The following FSTL5 variants were observed in gnomAD, a reference collection of about 807,000 sequenced individuals.
FSTL5 encodes the protein follistatin-related protein 5.
FSTL5 carries 62 observed loss-of-function variants against 89.1 expected under a neutral mutation model. The observed-to-expected ratio is 0.70, with a 90% confidence interval of 0.57 to 0.86. FSTL5 has a LOEUF of 0.86. FSTL5 is among the 40% of genes least tolerant of loss of function. The pLI, the probability that FSTL5 is intolerant of heterozygous loss-of-function variation, is 0.00. For missense variants in FSTL5, 1,057 were observed against 1,001.6 expected (o/e 1.06, Z -0.75); for synonymous variants, 383 against 346.2 (o/e 1.11, Z -1.18).
intron 4 of FSTL5, among the ~76,000 whole-genome samples, chr4:161,805,837 T>A (rs1263016442): frequency 6.6e-6 from 1 of 152,116 alleles, no homozygotes; most frequent in Non-Finnish European, 1.5e-5. Context: ...TACCTATGAT[T>A]TCACTTTCCA....
At chr4:162,147,964 C>T (rs1733067139) in intron 1 of FSTL5, among the ~76,000 whole-genome samples, 1 of 152,032 alleles carries the variant, frequency 6.6e-6, no homozygotes, top group East Asian at 1.9e-4. Flanking sequence ...GAGATTGCGC[C>T]ATTGCACTCC....
At chr4:161,835,156 A>G (rs1730994474) in intron 4 of FSTL5, among the ~76,000 whole-genome samples, 1 of 151,108 alleles carries the variant, frequency 6.6e-6, no homozygotes, top group South Asian at 2.1e-4. Context: ...CTGCATATCT[A>G]CAACTATCTG....
At chr4:161,721,173 G>A (rs1408387062) in intron 6 of FSTL5, among the ~76,000 whole-genome samples, 2 of 151,466 alleles carry the variant, frequency 1.3e-5, no homozygotes, top group Non-Finnish European at 2.9e-5. Context: ...AGTTACTGGG[G>A]AGGCTGAGGC....
chr4:161,642,719 T>C (rs944816333), intron 7 of FSTL5, among the ~76,000 whole-genome samples: 1 of 152,172 alleles, frequency 6.6e-6, no homozygotes, highest in African/African-American at 2.4e-5. Context: ...AAATACTGTA[T>C]AATTTTAGTC....
chr4:161,448,694 A>G (rs1733044253), intron 15 of FSTL5, among the ~76,000 whole-genome samples: 2 of 152,206 alleles, frequency 1.3e-5, no homozygotes, highest in African/African-American at 4.8e-5. Context: ...TAGTAGAGCC[A>G]TAGCCATTGG....
At chr4:161,924,788 G>C (rs142000255) in intron 3 of FSTL5, among the ~76,000 whole-genome samples, 1 of 151,646 alleles carries the variant, frequency 6.6e-6, no homozygotes, top group Non-Finnish European at 1.5e-5. Context: ...TAAAGAGGGA[G>C]GGAAGAACCA....
At chr4:161,909,778 A>T (rs145566928) in intron 4 of FSTL5, among the ~76,000 whole-genome samples, 53 of 152,090 alleles carry the variant, frequency 3.5e-4, no homozygotes, top group African/African-American at 1.2e-3. Flanking sequence ...ATTGGGTCTC[A>T]TCCTCTCTAC....
intron 7 of FSTL5, 63 bp downstream of exon 7, chr4:161,656,265 C>T (rs1469724157): frequency 1.6e-5 from 14 of 855,852 alleles, no homozygotes; most frequent in Non-Finnish European, 2.2e-5. Context: ...CCTGACATCA[C>T]AAAGTCTGGA....
At chr4:161,753,064 C>T (rs74476673) in intron 6 of FSTL5, among the ~76,000 whole-genome samples, 3,378 of 152,224 alleles carry the variant, frequency 0.022, 53 homozygotes, top group Non-Finnish European at 0.032. Context: ...TCCACTAAGA[C>T]GGTTCTGAAG....
chr4:161,656,189 G>A (rs571391425), intron 7 of FSTL5, 139 bp downstream of exon 7: 18 of 441,882 alleles, frequency 4.1e-5, no homozygotes, highest in African/African-American at 1.4e-4. Context: ...CTCTCATTCC[G>A]TAGATTAGAT....
chr4:161,475,877 G>C (rs115523560), intron 13 of FSTL5, among the ~76,000 whole-genome samples: 1,927 of 151,964 alleles, frequency 0.013, 21 homozygotes, highest in Non-Finnish European at 0.021. Context: ...AGCCTCCCGA[G>C]TAGATGAGAC....
intron 7 of FSTL5, among the ~76,000 whole-genome samples, chr4:161,625,527 G>A (rs1735286389): frequency 1.3e-5 from 2 of 152,022 alleles, no homozygotes; most frequent in South Asian, 2.1e-4. Context: ...GTGCTTCACC[G>A]ACTGGCCAAT....
intron 4 of FSTL5, among the ~76,000 whole-genome samples, chr4:161,890,399 T>C (rs1732947794): frequency 6.6e-6 from 1 of 152,112 alleles, no homozygotes; most frequent in Non-Finnish European, 1.5e-5. Context: ...TTAAAAATAA[T>C]GTATCTGTTC....
At chr4:161,786,238 T>C (rs950600930) in intron 4 of FSTL5, among the ~76,000 whole-genome samples, 2 of 152,102 alleles carry the variant, frequency 1.3e-5, no homozygotes, top group Admixed American at 6.6e-5. Flanking sequence ...TGTTAGATGC[T>C]TTTATGTAGG....
At chr4:161,787,624 CGTT>C (rs1355151209) in intron 4 of FSTL5, among the ~76,000 whole-genome samples, 1 of 152,034 alleles carries the variant, frequency 6.6e-6, no homozygotes, top group Non-Finnish European at 1.5e-5. Flanking sequence ...GAAAAAGAGA[CGTT>C]GCTCTTCTCT....
intron 15 of FSTL5, among the ~76,000 whole-genome samples, chr4:161,405,825 A>C (rs1188910326): frequency 1.3e-5 from 2 of 152,192 alleles, no homozygotes; most frequent in African/African-American, 4.8e-5. Context: ...AAAGATCCTA[A>C]ATAAGATTAA....
At chr4:161,578,436 T>C (rs1365771593) in intron 8 of FSTL5, among the ~76,000 whole-genome samples, 1 of 151,972 alleles carries the variant, frequency 6.6e-6, no homozygotes, top group Non-Finnish European at 1.5e-5. Flanking sequence ...GTACAAATGT[T>C]GAAGAGACAG....
intron 6 of FSTL5, among the ~76,000 whole-genome samples, chr4:161,744,872 GGTATTAGTA>G (rs895625927): frequency 1.3e-5 from 2 of 151,868 alleles, no homozygotes; most frequent in African/African-American, 2.4e-5. Context: ...AATGCTTTCA[GGTATTAGTA>G]GTTTTTCAGT....
chr4:161,753,338 C>A (rs189499101), intron 6 of FSTL5, among the ~76,000 whole-genome samples: 2 of 152,132 alleles, frequency 1.3e-5, no homozygotes, highest in Non-Finnish European at 2.9e-5. Context: ...CACCATTCAC[C>A]TTAGTAGGCA....
Sources: gnomAD v4.1 joint callset for allele counts (sites outside exome capture counted in the v4.1 genomes callset) on GRCh38, gnomAD v4.1.1 for gene constraint, MANE v1.5 for transcripts, NCBI Gene and HGNC (gene_info 2026-07-23, HGNC 2026-07-21) for gene names.